PAQR9: variants seen among roughly 807,000 people sequenced by gnomAD.
The protein encoded by PAQR9 is membrane progestin receptor epsilon.
A neutral mutation model predicts 24.0 loss-of-function variants in PAQR9; 12 were observed. The ratio of observed to expected loss-of-function variants is 0.50; its 90% CI spans 0.32 to 0.81. PAQR9 has a LOEUF of 0.81. Ranked by LOEUF, PAQR9 falls within the 30% of genes least tolerant of loss-of-function variation. The pLI, the probability that PAQR9 is intolerant of heterozygous loss-of-function variation, is 0.03. For missense variants in PAQR9, 418 were observed against 520.8 expected (o/e 0.80, Z 1.92); for synonymous variants, 266 against 237.6 (o/e 1.12, Z -1.10).
At chr3:142,953,509 T>G (rs1236880516), downstream of PAQR9, among the ~76,000 whole-genome samples, 1 of 152,198 alleles carries the variant, frequency 6.6e-6, no homozygotes, top group Non-Finnish European at 1.5e-5. Context: ...CTCCTCCACA[T>G]GCTCCGGAGC....
chr3:142,954,826 TTAAG>T lies in PAQR9; in HGVS notation c.*7373_*7376del, dbSNP rs1289743998. ...TTTATCACATAATGGAGAATTAAGA[TTAAG>T]TAACGCTTTTCTGTTAGAATACACT... is the stretch of plus-strand genomic sequence containing the variant. On this transcript the variant is annotated 3_prime_UTR_variant, in exon 1 of 1. Transcript: ENST00000340634. Among the ~76,000 whole-genome samples the T allele has an allele frequency of 6.6e-6, 1 of 152,134 alleles. No individual in the cohort carries two copies. Among genetic ancestry groups the T allele is most frequent in the Non-Finnish European group, 1.5e-5 (1 of 68,024 alleles).
At chr3:142,953,168 G>A (rs965092320), downstream of PAQR9, among the ~76,000 whole-genome samples, 5 of 152,094 alleles carry the variant, frequency 3.3e-5, no homozygotes, top group African/African-American at 7.2e-5. Context: ...TATGCTGTTC[G>A]GGGTGGGAGT....
Position 142,962,006 on chromosome 3 carries a change from C to A in PAQR9, c.*197G>T. 3.2e-6 allele frequency: 2 copies of A among 628,764 alleles called. No individual in the cohort carries two copies. The highest frequency in any genetic ancestry group is 5.4e-6 in the Non-Finnish European group (2 of 368,914). The allele number at this position is 628,764 out of a possible 1,614,324, so 38.9% of individuals were successfully genotyped here. A position where few individuals can be genotyped will look rare whatever the true frequency, so the allele number is the denominator to read the frequency against. Reference sequence around the variant, plus strand: ...TGACTATCTCCCTCCCGCTTGACCACCCCTGCCAACCTCCCTACTTCAAAG... The same window carrying A: ...TGACTATCTCCCTCCCGCTTGACCAACCCTGCCAACCTCCCTACTTCAAAG... On this transcript the variant is annotated 3_prime_UTR_variant, in exon 1 of 1. Coordinates refer to ENST00000340634, the MANE Select transcript of PAQR9 (RefSeq NM_198504.4).
chr3:142,950,607 A>C, downstream of PAQR9: 1 of 436,648 alleles, frequency 2.3e-6, no homozygotes, highest in Non-Finnish European at 4.6e-6. Flanking sequence ...CAAAAAATAA[A>C]GAAATAATGT....
downstream of PAQR9, chr3:142,949,828 T>A (rs1209959574): frequency 6.6e-6 from 1 of 152,224 alleles, no homozygotes; most frequent in Non-Finnish European, 1.5e-5. Flanking sequence ...CTTCTTTTTG[T>A]ATTCCCATTA....
At chr3:142,952,749 C>T (rs1317905467), downstream of PAQR9, 3 of 456,590 alleles carry the variant, frequency 6.6e-6, no homozygotes, top group South Asian at 4.6e-5. Flanking sequence ...CTGAGGATTC[C>T]AGGAAAAAAC....
At chr3:142,951,078 T>C (rs540527312), downstream of PAQR9, among the ~76,000 whole-genome samples, 74 of 152,312 alleles carry the variant, frequency 4.9e-4, no homozygotes, top group South Asian at 5.4e-3. Flanking sequence ...ATTTTAGTTA[T>C]TTTTATTTTT....
exon 3 of PAQR9, chr3:142,949,200 A>G (rs1321638032): frequency 6.6e-6 from 1 of 152,230 alleles, no homozygotes; most frequent in Non-Finnish European, 1.5e-5. Context: ...AGAATTATTT[A>G]TTTCCTTAAA....
rs1310333864 is a variant in PAQR9 at position 142,963,209 on chromosome 3, G to A, written c.128C>T (p.Pro43Leu). 1 of 1,569,742 alleles carries A rather than the reference G, an allele frequency of 6.4e-7. No homozygotes were observed. Among genetic ancestry groups the A allele is most frequent in the Admixed American group, 1.9e-5 (1 of 53,298 alleles). ...GGGCACCTCGTCCCAGCGCAGCAGC[G>A]GCTTGGCAGACGCTGGGGGGTCCCG... ...ASRDPPASAKPLLRWDEVPDD... is the reference protein window; with the variant it reads ...ASRDPPASAKLLLRWDEVPDD... The change falls in exon 1 of 1, where the codon CCG becomes CTG. Residue 43 changes from proline (P) to leucine (L), a missense_variant. Transcript: ENST00000340634.
downstream of PAQR9, among the ~76,000 whole-genome samples, chr3:142,951,198 G>T (rs898418868): frequency 2.0e-5 from 3 of 152,186 alleles, no homozygotes; most frequent in Non-Finnish European, 4.4e-5. Flanking sequence ...TTACAGGCAT[G>T]AACCACTGAA....
chr3:142,963,222 C>A lies in PAQR9; in HGVS notation c.115G>T (p.Ala39Ser). 1 of 1,557,198 alleles carries A rather than the reference C, an allele frequency of 6.4e-7. No homozygotes were observed. The highest frequency in any genetic ancestry group is 8.7e-7 in the Non-Finnish European group (1 of 1,151,266). ...SHSAASRDPPASAKPLLRWDE... is the reference protein window; with the variant it reads ...SHSAASRDPPSSAKPLLRWDE... The stretch of plus-strand genomic sequence containing the variant: ...CAGCGCAGCAGCGGCTTGGCAGACG[C>A]TGGGGGGTCCCGGGAGGCGGCAGAG... The change falls in exon 1 of 1, where the codon GCG (alanine) becomes TCG (serine). Residue 39 changes from alanine to serine, a missense_variant. Transcript: ENST00000340634.
At position 142,962,951 on chromosome 3, in the gene PAQR9, A is replaced by C. The variant is rs1578082556; in HGVS notation, c.386T>G (p.Val129Gly). The change falls in exon 1 of 1, where the codon GTG becomes GGG. Residue 129 changes from valine to glycine, a missense_variant. This residue lies in a region of PAQR9 where 180 missense variants were observed against 190.3 expected (regional missense o/e 0.95). Transcript: ENST00000340634. ...GCAGCTCATGGCGAAGGTCAGCAGC[A>C]CTCCCGACGCGTAGCACCACAACGG... Reference protein sequence around the residue: ...LLPLWCYASGVLLTFAMSCTA... With the variant: ...LLPLWCYASGGLLTFAMSCTA... 1 of 1,613,872 alleles carries C rather than the reference A, an allele frequency of 6.2e-7. No homozygotes were observed. Among genetic ancestry groups the C allele is most frequent in the East Asian group, 2.2e-5 (1 of 44,874 alleles).
chr3:142,950,539 T>A (rs765643519), downstream of PAQR9: 53 of 444,442 alleles, frequency 1.2e-4, 1 homozygote, highest in South Asian at 4.6e-4. Flanking sequence ...CCTCAGTCAA[T>A]ATTCTTTCAT....
chr3:142,962,753 C>G lies in PAQR9; in HGVS notation c.584G>C (p.Arg195Pro). The change falls in exon 1 of 1, where the codon CGC (arginine) becomes CCC (proline). Residue 195 changes from arginine to proline, a missense_variant. Transcript: ENST00000340634. Reference sequence around the variant, plus strand: ...CGTGCAGTCCACGTGCCAGCCCAGGCGCTGCTGCAAGTATGGAGTCATGAC... The same window carrying G: ...CGTGCAGTCCACGTGCCAGCCCAGGGGCTGCTGCAAGTATGGAGTCATGAC... ...ARVMTPYLQQ[R>P]LGWHVDCTRL... 2 of 1,612,350 alleles carry G rather than the reference C, an allele frequency of 1.2e-6. No homozygotes were observed. Among genetic ancestry groups the G allele is most frequent in the South Asian group, 2.2e-5 (2 of 90,906 alleles).
Position 142,954,741 on chromosome 3 carries a change from A to T in PAQR9, c.*7462T>A, listed in dbSNP as rs779687912. On this transcript the variant is annotated 3_prime_UTR_variant, in exon 1 of 1. Transcript: ENST00000340634. ...AAATCATACAACAGAAATGTGTCAC[A>T]TTTTTTTTTCAGCTACATGCACAGA... 2.8e-4 allele frequency among the ~76,000 whole-genome samples: 43 copies of T among 151,424 alleles called. No homozygotes were observed. The highest frequency in any genetic ancestry group is 5.8e-4 in the Non-Finnish European group (39 of 67,800).
In PAQR9 at chr3:142,957,268, A is replaced by G. The variant is rs963393750; in HGVS notation, c.*4935T>C. ...GAATTCCTTGCCTGTCTACTCGAAC[A>G]CTAACACCCTGGGAGTTCACATGCT... On this transcript the variant is annotated 3_prime_UTR_variant, in exon 1 of 1. Coordinates refer to ENST00000340634, the MANE Select transcript of PAQR9 (RefSeq NM_198504.4). Among the ~76,000 whole-genome samples, 2 of 152,214 alleles carry G rather than the reference A, an allele frequency of 1.3e-5. No homozygotes were observed. The highest frequency in any genetic ancestry group is 6.5e-5 in the Admixed American group (1 of 15,282).
At chr3:142,963,967 G>A (rs1282339108), upstream of PAQR9, 2 of 835,954 alleles carry the variant, frequency 2.4e-6, no homozygotes, top group South Asian at 5.5e-5. Context: ...TCGGCCCTGG[G>A]GTTCGAAACC....
rs1388542626 is a variant in PAQR9, at chr3:142,955,544, C to T, written c.*6659G>A. On this transcript the variant is annotated 3_prime_UTR_variant, in exon 1 of 1. Coordinates refer to ENST00000340634, the MANE Select transcript of PAQR9 (RefSeq NM_198504.4). ...CTTTTTCTGGTCCATATAGTGATGGCATGGGGCTTATTCTTCTTTCTATTC... is the reference window on the plus strand; with the variant it reads ...CTTTTTCTGGTCCATATAGTGATGGTATGGGGCTTATTCTTCTTTCTATTC... Among the ~76,000 whole-genome samples, 1 of 142,388 alleles carries T rather than the reference C, an allele frequency of 7.0e-6. No homozygotes were observed. Among genetic ancestry groups the T allele is most frequent in the African/African-American group, 2.6e-5 (1 of 39,148 alleles). 93.4% of individuals were successfully genotyped at this position (142,388 alleles called of 152,430 possible).
rs1934784193 is a variant in PAQR9 at position 142,955,909 on chromosome 3, T to C, written c.*6294A>G. On this transcript the variant is annotated 3_prime_UTR_variant, in exon 1 of 1. Transcript: ENST00000340634. ...ATGATTTGTATCCTTCTTTAAACTA[T>C]ACATTATTTACATTTTTAAAGACCT... is the stretch of plus-strand genomic sequence containing the variant. Among the ~76,000 whole-genome samples, 1 of 152,196 alleles carries C rather than the reference T, an allele frequency of 6.6e-6. No homozygotes were observed. Among genetic ancestry groups the C allele is most frequent in the Non-Finnish European group, 1.5e-5 (1 of 68,030 alleles).
Sources: gnomAD v4.1 joint callset for allele counts (sites outside exome capture counted in the v4.1 genomes callset) on GRCh38, gnomAD v4.1.1 for gene constraint, gnomAD v4.1.1 regional missense constraint, MANE v1.5 for transcripts, NCBI Gene and HGNC (gene_info 2026-07-23, HGNC 2026-07-21) for gene names.